The following REDIC1 variants were observed in gnomAD, a reference collection of about 807,000 sequenced individuals.
REDIC1 encodes regulator of DNA class I crossover intermediates 1.
the REDIC1 span, among the ~76,000 whole-genome samples, chr12:39,895,750 G>A: frequency 2.4e-5 from 2 of 84,822 alleles, no homozygotes; most frequent in Admixed American, 1.3e-4. Context: ...ACATGTATAT[G>A]CGTGTATACG....
the REDIC1 span, chr12:39,830,252 T>A: frequency 6.2e-7 from 1 of 1,606,934 alleles, no homozygotes; most frequent in Non-Finnish European, 8.5e-7. Flanking sequence ...AGAGTTACCG[T>A]CATGTTGGCA....
At chr12:39,715,776 G>A in the REDIC1 span, among the ~76,000 whole-genome samples, 2 of 151,788 alleles carry the variant, frequency 1.3e-5, no homozygotes, top group African/African-American at 4.8e-5. Flanking sequence ...TTCATTCAGT[G>A]GACAAATTTC....
the REDIC1 span, chr12:39,720,779 C>A: frequency 4.4e-6 from 7 of 1,589,848 alleles, no homozygotes; most frequent in African/African-American, 5.4e-5. Flanking sequence ...TTATTAATTT[C>A]TTTTTAGCCA....
the REDIC1 span, among the ~76,000 whole-genome samples, chr12:39,906,388 T>C: frequency 6.6e-6 from 1 of 152,094 alleles, no homozygotes; most frequent in Non-Finnish European, 1.5e-5. Flanking sequence ...GATATGCACA[T>C]TTATATGTAC....
chr12:39,685,450 G>C, the REDIC1 span, among the ~76,000 whole-genome samples: 1 of 152,124 alleles, frequency 6.6e-6, no homozygotes, highest in Non-Finnish European at 1.5e-5. Context: ...TAAATGACCA[G>C]ATCACAGGAG....
At chr12:39,872,476 AT>A in the REDIC1 span, among the ~76,000 whole-genome samples, 3 of 152,212 alleles carry the variant, frequency 2.0e-5, no homozygotes, top group Non-Finnish European at 4.4e-5. Context: ...TGTATCTAGC[AT>A]TGTGTAAAAA....
At chr12:39,847,288 T>C in the REDIC1 span, among the ~76,000 whole-genome samples, 2 of 86,144 alleles carry the variant, frequency 2.3e-5, no homozygotes, top group Admixed American at 1.6e-4. Context: ...TATCCCTACA[T>C]TCATTCTTCC....
the REDIC1 span, among the ~76,000 whole-genome samples, chr12:39,820,632 C>A: frequency 1.3e-5 from 2 of 151,320 alleles, no homozygotes; most frequent in Non-Finnish European, 2.9e-5. Context: ...CAGCAAAAAA[C>A]CTCCTGAGAT....
At chr12:39,851,435 T>C in the REDIC1 span, among the ~76,000 whole-genome samples, 2 of 152,168 alleles carry the variant, frequency 1.3e-5, no homozygotes, top group South Asian at 2.1e-4. Context: ...ACTTTATATA[T>C]TGATAATTAT....
At chr12:39,853,565 T>G in the REDIC1 span, among the ~76,000 whole-genome samples, 1 of 151,880 alleles carries the variant, frequency 6.6e-6, no homozygotes, top group African/African-American at 2.4e-5. Flanking sequence ...TTCTTTCTCT[T>G]TTTCCTTCCT....
chr12:39,742,656 AGT>A, the REDIC1 span, among the ~76,000 whole-genome samples: 3 of 152,152 alleles, frequency 2.0e-5, no homozygotes, highest in Non-Finnish European at 2.9e-5. Context: ...CACGTAAAAA[AGT>A]GTTGTGTTTA....
the REDIC1 span, among the ~76,000 whole-genome samples, chr12:39,729,609 G>A: frequency 4.6e-5 from 7 of 152,346 alleles, no homozygotes; most frequent in Middle Eastern, 3.4e-3. Flanking sequence ...TAAGTGTGAT[G>A]TGGTGCTGAG....
At chr12:39,886,323 T>C in the REDIC1 span, among the ~76,000 whole-genome samples, 1 of 152,154 alleles carries the variant, frequency 6.6e-6, no homozygotes, top group African/African-American at 2.4e-5. Flanking sequence ...GAGAGGCCTA[T>C]AATTACACTT....
chr12:39,813,462 C>G, the REDIC1 span, among the ~76,000 whole-genome samples: 1 of 152,090 alleles, frequency 6.6e-6, no homozygotes, highest in Admixed American at 6.6e-5. Context: ...TACTCTGAAG[C>G]AAATTTCAGA....
the REDIC1 span, among the ~76,000 whole-genome samples, chr12:39,794,346 G>T: frequency 6.6e-6 from 1 of 152,130 alleles, no homozygotes; most frequent in Non-Finnish European, 1.5e-5. Flanking sequence ...TTACTTGAAA[G>T]ATATTTTCAC....
chr12:39,846,264 G>A, the REDIC1 span, among the ~76,000 whole-genome samples: 157 of 152,150 alleles, frequency 1.0e-3, 2 homozygotes, highest in Admixed American at 8.8e-3. Flanking sequence ...TTGACCATAA[G>A]GAATTACTGT....
At chr12:39,720,685 A>G in the REDIC1 span, 1 of 939,510 alleles carries the variant, frequency 1.1e-6, no homozygotes, top group Non-Finnish European at 1.6e-6. Context: ...GTATTTAGAA[A>G]TTTTCTATAG....
At chr12:39,740,848 A>C in the REDIC1 span, among the ~76,000 whole-genome samples, 1 of 152,220 alleles carries the variant, frequency 6.6e-6, no homozygotes, top group African/African-American at 2.4e-5. Context: ...TATTTTTGTA[A>C]TAAAAGTAAA....
chr12:39,871,948 T>C, the REDIC1 span: 1 of 1,605,486 alleles, frequency 6.2e-7, no homozygotes, highest in South Asian at 1.1e-5. Flanking sequence ...TGCAGAATGG[T>C]TGCACTGTAG....
Sources: gnomAD v4.1 joint callset for allele counts (sites outside exome capture counted in the v4.1 genomes callset) on GRCh38, gnomAD v4.1.1 for gene constraint, MANE v1.5 for transcripts, NCBI Gene and HGNC (gene_info 2026-07-23, HGNC 2026-07-21) for gene names.